The following TAFA1 variants were observed in gnomAD, a reference collection of about 807,000 sequenced individuals.
The protein encoded by TAFA1 is TAFA chemokine like family member 1, also known as chemokine-like protein TAFA-1.
A neutral mutation model predicts 18.5 loss-of-function variants in TAFA1; 4 were observed. The observed-to-expected ratio is 0.22, with a 90% CI of 0.11 to 0.49. TAFA1 has a LOEUF of 0.49. Among genes scored for constraint, TAFA1 ranks in the 20% least tolerant of loss-of-function variants. The pLI, the probability that TAFA1 is intolerant of heterozygous loss-of-function variation, is 0.98. For synonymous variants in TAFA1, 56 were observed against 55.2 expected (o/e 1.01, Z -0.06); for missense variants, 147 against 169.0 (o/e 0.87, Z 0.72).
At chr3:68,204,697 A>G (rs1374923761) in intron 2 of TAFA1, among the ~76,000 whole-genome samples, 2 of 151,870 alleles carry the variant, frequency 1.3e-5, no homozygotes, top group Admixed American at 6.6e-5. Flanking sequence ...ACTATATTGT[A>G]TCTAACAGGC....
chr3:68,504,424 C>T lies in TAFA1; in HGVS notation c.260-34332C>T, dbSNP rs535574159. 9.2e-5 allele frequency among the ~76,000 whole-genome samples: 14 copies of T among 152,266 alleles called. No homozygotes were observed. In the South Asian group the frequency reaches 2.9e-3, roughly 32 times the overall value. On this transcript the variant is annotated intron_variant, in intron 3 of 4. Transcript: ENST00000478136. ...GTCTCCCTAGACTCTGGCATGCATTCCTGGAGCATCTTAACTAGGGCTGAT... is the reference window on the plus strand; with the variant it reads ...GTCTCCCTAGACTCTGGCATGCATTTCTGGAGCATCTTAACTAGGGCTGAT...
intron 3 of TAFA1, among the ~76,000 whole-genome samples, chr3:68,418,630 G>A (rs1575849906): frequency 7.0e-5 from 1 of 14,192 alleles, no homozygotes; most frequent in African/African-American, 3.0e-4. Context: ...GCTTGGGCTC[G>A]GGCTCAGAGG....
chr3:68,417,329 T>A lies in TAFA1; in HGVS notation c.168T>A (p.Asn56Lys), dbSNP rs2106797085. Residue 56 changes from asparagine to lysine, a missense_variant, in exon 3 of 5, where the codon AAT becomes AAA. By Grantham distance (94) the Asn-to-Lys change is moderately conservative. Transcript: ENST00000478136. ...VIAAHRCCNK[N>K]RIEERSQTVK... ...CAGCACACCGATGTTGTAACAAGAA[T>A]CGCATTGAGGAGCGGTCACAAACAG... 3 of 1,613,516 alleles carry A rather than the reference T, an allele frequency of 1.9e-6. No homozygotes were observed. Among genetic ancestry groups the A allele is most frequent in the Non-Finnish European group, 2.5e-6 (3 of 1,179,662 alleles).
At chr3:68,471,433 C>T (rs1449484895) in intron 3 of TAFA1, among the ~76,000 whole-genome samples, 1 of 152,196 alleles carries the variant, frequency 6.6e-6, no homozygotes, top group African/African-American at 2.4e-5. Flanking sequence ...CAACATCAGT[C>T]TGTGAAAGCA....
At chr3:68,433,195 C>A (rs2071211217) in intron 3 of TAFA1, among the ~76,000 whole-genome samples, 1 of 151,962 alleles carries the variant, frequency 6.6e-6, no homozygotes, top group Non-Finnish European at 1.5e-5. Flanking sequence ...TTCAAGCCAG[C>A]CTCTTGGGAA....
chr3:68,522,428 G>C (rs559801998), intron 3 of TAFA1, among the ~76,000 whole-genome samples: 33 of 152,290 alleles, frequency 2.2e-4, no homozygotes, highest in Middle Eastern at 3.4e-3. Flanking sequence ...ATAGGGAAAG[G>C]TTCGGGGAGC....
intron 2 of TAFA1, among the ~76,000 whole-genome samples, chr3:68,306,451 TA>T (rs770256856): frequency 1.5e-4 from 23 of 152,236 alleles, no homozygotes; most frequent in Non-Finnish European, 2.8e-4. Context: ...TGTCTGAGTT[TA>T]GTTTTCACAT....
intron 3 of TAFA1, among the ~76,000 whole-genome samples, chr3:68,437,813 G>T (rs546721534): frequency 2.0e-5 from 3 of 152,008 alleles, no homozygotes; most frequent in Admixed American, 2.0e-4. Flanking sequence ...CTGGCCTCCC[G>T]AAACTCATAT....
At chr3:68,364,310 C>A (rs2069526847) in intron 2 of TAFA1, among the ~76,000 whole-genome samples, 1 of 152,146 alleles carries the variant, frequency 6.6e-6, no homozygotes, top group African/African-American at 2.4e-5. Context: ...TAACTGGGCA[C>A]TTACCAGGTA....
intron 2 of TAFA1, among the ~76,000 whole-genome samples, chr3:68,398,777 T>A (rs908278871): frequency 1.3e-5 from 2 of 152,218 alleles, no homozygotes; most frequent in African/African-American, 4.8e-5. Context: ...CTTCAGATTA[T>A]CAGTCATAAA....
At chr3:68,249,367 T>G (rs2067146781) in intron 2 of TAFA1, among the ~76,000 whole-genome samples, 1 of 152,144 alleles carries the variant, frequency 6.6e-6, no homozygotes, top group Admixed American at 6.5e-5. Context: ...GCAATTCTAC[T>G]TGGGAGAAAA....
chr3:68,099,817 T>C (rs763479780), intron 2 of TAFA1, among the ~76,000 whole-genome samples: 14 of 151,972 alleles, frequency 9.2e-5, no homozygotes, highest in Non-Finnish European at 2.1e-4. Flanking sequence ...TACACAGCCA[T>C]AAAAAAGAAT....
intron 2 of TAFA1, among the ~76,000 whole-genome samples, chr3:68,324,377 T>C (rs1165749500): frequency 6.6e-6 from 1 of 152,184 alleles, no homozygotes; most frequent in Non-Finnish European, 1.5e-5. Context: ...CAAAATATGT[T>C]TGAAAATTCT....
chr3:68,011,085 G>C (rs944506892), intron 2 of TAFA1, among the ~76,000 whole-genome samples: 1 of 139,842 alleles, frequency 7.2e-6, no homozygotes, highest in Non-Finnish European at 1.5e-5. Flanking sequence ...ATATGAATTA[G>C]GACAGCAATT....
At chr3:68,391,322 T>C (rs986869418) in intron 2 of TAFA1, among the ~76,000 whole-genome samples, 1 of 151,876 alleles carries the variant, frequency 6.6e-6, no homozygotes, top group Non-Finnish European at 1.5e-5. Context: ...AAAAAGAGAA[T>C]GAAAAGGAAT....
At chr3:68,029,957 A>G (rs915571490) in intron 2 of TAFA1, among the ~76,000 whole-genome samples, 7 of 152,178 alleles carry the variant, frequency 4.6e-5, no homozygotes, top group African/African-American at 1.7e-4. Flanking sequence ...TGCCTGGGTA[A>G]GAAGCCTGCT....
intron 3 of TAFA1, among the ~76,000 whole-genome samples, chr3:68,456,346 T>G (rs758376742): frequency 5.9e-5 from 9 of 152,170 alleles, no homozygotes; most frequent in Non-Finnish European, 1.0e-4. Flanking sequence ...TACCAATAAA[T>G]GTCCTTTGTG....
intron 4 of TAFA1, 48 bp downstream of exon 4, chr3:68,538,928 A>T (rs774507129): frequency 6.2e-7 from 1 of 1,601,030 alleles, no homozygotes; most frequent in Admixed American, 1.7e-5. Context: ...AGACTGTACT[A>T]TTTGAGTTTG....
At chr3:68,534,751 A>G (rs966356563) in intron 3 of TAFA1, among the ~76,000 whole-genome samples, 2 of 152,056 alleles carry the variant, frequency 1.3e-5, no homozygotes, top group East Asian at 1.9e-4. Flanking sequence ...TAATGTCTAC[A>G]TTTTCATTTA....
Sources: allele counts gnomAD v4.1 joint callset (sites outside exome capture counted in the v4.1 genomes callset), GRCh38; gene constraint gnomAD v4.1.1; transcripts MANE v1.5; gene names NCBI Gene and HGNC (gene_info 2026-07-23, HGNC 2026-07-21).